The following SELENOP variants were observed in gnomAD, a reference collection of about 807,000 sequenced individuals.
The protein encoded by SELENOP is selenoprotein P.
SELENOP carries 36 observed loss-of-function variants against 41.0 expected under a neutral mutation model. The ratio of observed to expected loss-of-function variants is 0.88; its 90% CI spans 0.67 to 1.16. The LOEUF (loss-of-function observed/expected upper bound fraction) is 1.16, where lower values mean the gene tolerates loss of function less well. Among genes scored for constraint, SELENOP ranks in the 50% most tolerant of loss-of-function variants. The pLI is 0.00. For synonymous variants in SELENOP, 144 were observed against 150.8 expected (o/e 0.95, Z 0.33); for missense variants, 440 against 454.2 (o/e 0.97, Z 0.28).
chr5:42,808,329 G>T lies in SELENOP; in HGVS notation c.25C>A (p.Leu9Met). The change falls in exon 2 of 5, where the codon CTG (leucine) becomes ATG (methionine). Residue 9 changes from leucine to methionine, a missense_variant. Coordinates refer to ENST00000514985, the MANE Select transcript of SELENOP (RefSeq NM_005410.4). MWRSLGLA[L>M]ALCLLPSGGT... ...CCCGATGGGAGGAGACAGAGAGCCA[G>T]GGCAAGCCCCAGGCTTCTCCACATT... 7.7e-6 allele frequency: 11 copies of T among 1,436,774 alleles called. No homozygotes were observed. Among genetic ancestry groups the T allele is most frequent in the Non-Finnish European group, 1.0e-5 (11 of 1,092,452 alleles). 89.0% of individuals were successfully genotyped at this position (1,436,774 alleles called of 1,614,324 possible). A position where few individuals can be genotyped will look rare whatever the true frequency, so the allele number is the denominator to read the frequency against.
chr5:42,803,803 G>T (rs1030002550), intron 4 of SELENOP, among the ~76,000 whole-genome samples: 1 of 152,096 alleles, frequency 6.6e-6, no homozygotes, highest in Non-Finnish European at 1.5e-5. Context: ...TGGTTGTTAG[G>T]AAATAAATAC....
intron 4 of SELENOP, 49 bp from the exon 5 acceptor site, chr5:42,801,380 A>C (rs376734713): frequency 1.8e-5 from 24 of 1,349,752 alleles, no homozygotes; most frequent in Non-Finnish European, 9.1e-6. Context: ...AGAGATAGGA[A>C]TAATGCGTGA....
In SELENOP at chr5:42,808,317, G is replaced by C; in HGVS notation, c.37C>G (p.Leu13Val). The C allele has an allele frequency of 6.9e-7, 1 of 1,459,692 alleles. No individual in the cohort carries two copies. The highest frequency in any genetic ancestry group is 9.0e-7 in the Non-Finnish European group (1 of 1,104,980). The allele number at this position is 1,459,692 out of a possible 1,614,324, so 90.4% of individuals were successfully genotyped here. A position where few individuals can be genotyped will look rare whatever the true frequency, so the allele number is the denominator to read the frequency against. The change falls in exon 2 of 5, where the codon CTC (leucine) becomes GTC (valine). Residue 13 changes from leucine (L) to valine (V), a missense_variant. Transcript: ENST00000514985. Reference sequence around the variant, plus strand: ...CTCTCTGTTCCTCCCGATGGGAGGAGACAGAGAGCCAGGGCAAGCCCCAGG... The same window carrying C: ...CTCTCTGTTCCTCCCGATGGGAGGACACAGAGAGCCAGGGCAAGCCCCAGG... Reference protein sequence around the residue: ...RSLGLALALCLLPSGGTESQD... With the variant: ...RSLGLALALCVLPSGGTESQD...
rs183667353 is a variant in SELENOP, at chr5:42,800,311, T to C, written c.*409A>G. The C allele has an allele frequency of 1.1e-3, 181 of 159,506 alleles. No individual in the cohort carries two copies. Among genetic ancestry groups the C allele is most frequent in the African/African-American group, 4.0e-3 (169 of 41,750 alleles). 9.9% of individuals were successfully genotyped at this position (159,506 alleles called of 1,614,324 possible). ...TATTTTATTAGTTAAAAGTAGAAGA[T>C]TGAAAAGACAAAGTAATATTGTTTT... On this transcript the variant is annotated 3_prime_UTR_variant, in exon 5 of 5. Coordinates refer to ENST00000514985, the MANE Select transcript of SELENOP (RefSeq NM_005410.4).
intron 4 of SELENOP, 54 bp from the exon 5 acceptor site, chr5:42,801,385 G>T: frequency 7.6e-7 from 1 of 1,316,564 alleles, no homozygotes; most frequent in Non-Finnish European, 1.0e-6. Flanking sequence ...TAGGAATAAT[G>T]CGTGAAAAAT....
Position 42,807,125 on chromosome 5 carries a change from G to A in SELENOP, c.204-17C>T. The stretch of plus-strand genomic sequence containing the variant: ...TCTTCTAATCTAAAATATTTGGGAA[G>A]AAATACATAAAATGAATAATCTCAT... On this transcript the variant is annotated splice_polypyrimidine_tract_variant and intron_variant, in intron 2 of 4. Transcript: ENST00000514985. 1 of 1,201,708 alleles carries A rather than the reference G, an allele frequency of 8.3e-7. No individual in the cohort carries two copies. The highest frequency in any genetic ancestry group is 1.2e-6 in the Non-Finnish European group (1 of 828,988). The allele number at this position is 1,201,708 out of a possible 1,614,324, so 74.4% of individuals were successfully genotyped here. A position where few individuals can be genotyped will look rare whatever the true frequency, so the allele number is the denominator to read the frequency against.
rs1760160873 is a variant in SELENOP, at chr5:42,800,569, A to C, written c.*151T>G. The C allele has an allele frequency of 1.1e-6, 1 of 925,788 alleles. No individual in the cohort carries two copies. The highest frequency in any genetic ancestry group is 1.6e-6 in the Non-Finnish European group (1 of 636,764). The allele number at this position is 925,788 out of a possible 1,614,324, so 57.3% of individuals were successfully genotyped here. On this transcript the variant is annotated 3_prime_UTR_variant, in exon 5 of 5. Coordinates refer to ENST00000514985, the MANE Select transcript of SELENOP (RefSeq NM_005410.4). ...TTGAGTCAATATTTCTATGACATAA[A>C]ATTTAAAATCTGGAAGCCAATTCAG...
In SELENOP at chr5:42,799,968, T is replaced by A; in HGVS notation, c.*752A>T. 2 of 631,248 alleles carry A rather than the reference T, an allele frequency of 3.2e-6. No homozygotes were observed. The highest frequency in any genetic ancestry group is 5.2e-6 in the Non-Finnish European group (2 of 382,964). The allele number at this position is 631,248 out of a possible 1,614,324, so 39.1% of individuals were successfully genotyped here. A position where few individuals can be genotyped will look rare whatever the true frequency, so the allele number is the denominator to read the frequency against. On this transcript the variant is annotated 3_prime_UTR_variant, in exon 5 of 5. Coordinates refer to ENST00000514985, the MANE Select transcript of SELENOP (RefSeq NM_005410.4). ...CATTCTTGCTTAATAGTATTAACCATAAAGGAGGTCAGGTTTATAGGGTTT... is the reference window on the plus strand; with the variant it reads ...CATTCTTGCTTAATAGTATTAACCAAAAAGGAGGTCAGGTTTATAGGGTTT...
intron 1 of SELENOP, among the ~76,000 whole-genome samples, chr5:42,811,382 G>T (rs999793409): frequency 1.3e-5 from 2 of 152,142 alleles, no homozygotes; most frequent in Non-Finnish European, 2.9e-5. Context: ...TTTTTCTTCT[G>T]AAACTGCTCA....
chr5:42,803,310 A>G (rs1420607717), intron 4 of SELENOP, among the ~76,000 whole-genome samples: 1 of 152,196 alleles, frequency 6.6e-6, no homozygotes, highest in Admixed American at 6.5e-5. Context: ...CCAAAATATG[A>G]GGAATCATTA....
rs776359845 is a variant in SELENOP, at chr5:42,808,174, G to A, written c.180C>T (p.Tyr60=). 2.6e-6 allele frequency: 4 copies of A among 1,556,876 alleles called. No individual in the cohort carries two copies. The highest frequency in any genetic ancestry group is 2.6e-6 in the Non-Finnish European group (3 of 1,153,654). Residue 60 remains tyrosine (Y), a synonymous_variant, in exon 2 of 5, where the codon TAC becomes TAT. Coordinates refer to ENST00000514985, the MANE Select transcript of SELENOP (RefSeq NM_005410.4). Reference sequence around the variant, plus strand: ...ACTTAGATGCCTGCAGTATGCACAGGTATCAGCTGGCTTGAAGAAGAGCAA... The same window carrying A: ...ACTTAGATGCCTGCAGTATGCACAGATATCAGCTGGCTTGAAGAAGAGCAA... The part of the protein sequence containing the change: ...TVVALLQASU[Y]LCILQASKLE...
At chr5:42,808,091 G>T in intron 2 of SELENOP, 60 bp downstream of exon 2, 2 of 779,984 alleles carry the variant, frequency 2.6e-6, no homozygotes. Context: ...GTCTATATGC[G>T]TGTGTGTATT....
rs767367145 is a variant in SELENOP, at chr5:42,801,170, T to G, written c.696A>C (p.Pro232=). 3 of 1,614,102 alleles carry G rather than the reference T, an allele frequency of 1.9e-6. No homozygotes were observed. Among genetic ancestry groups the G allele is most frequent in the Non-Finnish European group, 1.7e-6 (2 of 1,180,008 alleles). Residue 232 remains proline, a synonymous_variant, in exon 5 of 5, where the codon CCA becomes CCC. Transcript: ENST00000514985. ...GAGGAGCAGGATGAGTAGGAGCATT[T>G]GGTGCTCCTGGTTGCTGATTCTCTG... The part of the protein sequence containing the change: ...ELSENQQPGA[P]NAPTHPAPPG...
At chr5:42,806,254 A>G (rs1332426738) in intron 3 of SELENOP, 2 of 152,232 alleles carry the variant, frequency 1.3e-5, no homozygotes, top group Non-Finnish European at 2.9e-5. Flanking sequence ...TCTGAAAATT[A>G]TAGGATTATA....
chr5:42,802,321 A>G (rs1760226005), intron 4 of SELENOP: 1 of 152,234 alleles, frequency 6.6e-6, no homozygotes, highest in East Asian at 1.9e-4. Context: ...ACCTAAGGCT[A>G]ATTTGCAAAT....
chr5:42,811,568 A>C (rs975120454), intron 1 of SELENOP, among the ~76,000 whole-genome samples: 43 of 152,254 alleles, frequency 2.8e-4, no homozygotes, highest in Admixed American at 1.8e-3. Flanking sequence ...ATAGAATAAA[A>C]GGTTTGGATT....
rs867134037 is a variant in SELENOP at position 42,804,731 on chromosome 5, G to A, written c.459C>T (p.Phe153=). ...LVYHLGLPFS[F]LTFPYVEEAI... ...CTTCTTCTACATATGGGAAAGTTAGGAAGGAAAAAGGCAAACCAAGATGAT... is the reference window on the plus strand; with the variant it reads ...CTTCTTCTACATATGGGAAAGTTAGAAAGGAAAAAGGCAAACCAAGATGAT... Residue 153 remains phenylalanine, a synonymous_variant, in exon 4 of 5, where the codon TTC becomes TTT. Transcript: ENST00000514985. 6.2e-7 allele frequency: 1 copy of A among 1,611,064 alleles called. No homozygotes were observed.
Position 42,804,971 on chromosome 5 carries a change from A to G in SELENOP, c.417-198T>C, listed in dbSNP as rs550728221. On this transcript the variant is annotated intron_variant, in intron 3 of 4. Transcript: ENST00000514985. ...CAGGTCAGGTCATAGCAACACTATA[A>G]TTAGTCTAATACTAGTATTTTGAAA... 1.8e-5 allele frequency: 7 copies of G among 381,008 alleles called. No homozygotes were observed. In the South Asian group the frequency reaches 6.4e-4, roughly 35 times the overall value. 23.6% of individuals were successfully genotyped at this position (381,008 alleles called of 1,614,324 possible). A position where few individuals can be genotyped will look rare whatever the true frequency, so the allele number is the denominator to read the frequency against.
At position 42,801,094 on chromosome 5, in the gene SELENOP, G is replaced by C; in HGVS notation, c.772C>G (p.Pro258Ala). The C allele has an allele frequency of 1.2e-6, 2 of 1,614,026 alleles. No individual in the cohort carries two copies. Among genetic ancestry groups the C allele is most frequent in the Non-Finnish European group, 1.7e-6 (2 of 1,179,990 alleles). The change falls in exon 5 of 5, where the codon CCA becomes GCA. Residue 258 changes from proline to alanine, a missense_variant. Coordinates refer to ENST00000514985, the MANE Select transcript of SELENOP (RefSeq NM_005410.4). The stretch of plus-strand genomic sequence containing the variant: ...CTTGCTGGCATATCTCGGTTCTCTG[G>C]GTGACCCTGCCTATGCTGACCCTTG... Reference protein sequence around the residue: ...KHKGQHRQGHPENRDMPASED... With the variant: ...KHKGQHRQGHAENRDMPASED...
Sources: gnomAD v4.1 joint callset for allele counts (sites outside exome capture counted in the v4.1 genomes callset) on GRCh38, gnomAD v4.1.1 for gene constraint, MANE v1.5 for transcripts, NCBI Gene and HGNC (gene_info 2026-07-23, HGNC 2026-07-21) for gene names.